The following ACLY variants were observed in gnomAD, a reference collection of about 807,000 sequenced individuals.
ACLY encodes ATP-citrate synthase.
ACLY carries 41 observed loss-of-function variants against 133.0 expected under a neutral mutation model. The observed-to-expected ratio is 0.31, with a 90% confidence interval of 0.24 to 0.40. ACLY has a LOEUF of 0.40. Ranked by LOEUF, ACLY falls within the 10% of genes least tolerant of loss-of-function variation. The probability of loss-of-function intolerance (pLI) is 1.00; values close to 1 mark genes in which losing one functional copy is unlikely to be tolerated. For missense variants in ACLY, 1,046 were observed against 1,453.8 expected (o/e 0.72, Z 4.56); for synonymous variants, 495 against 549.3 (o/e 0.90, Z 1.38).
chr17:41,869,346 G>T, intron 26 of ACLY, 128 bp downstream of exon 26: 1 of 882,122 alleles, frequency 1.1e-6, no homozygotes, highest in Non-Finnish European at 1.8e-6. Context: ...ATTTAGTTAT[G>T]AAACAAAAAT....
At chr17:41,896,925 G>A (rs1273149794) in intron 13 of ACLY, among the ~76,000 whole-genome samples, 10 of 152,210 alleles carry the variant, frequency 6.6e-5, no homozygotes, top group Non-Finnish European at 1.3e-4. Context: ...CAACACCAGC[G>A]CCTCCCCCAG....
intron 20 of ACLY, among the ~76,000 whole-genome samples, chr17:41,881,199 G>A (rs2048908606): frequency 6.6e-6 from 1 of 152,018 alleles, no homozygotes; most frequent in African/African-American, 2.4e-5. Flanking sequence ...GGAGGCCGAG[G>A]CAGGTGGATC....
At chr17:41,890,478 A>T (rs2049176024) in intron 16 of ACLY, among the ~76,000 whole-genome samples, 1 of 151,110 alleles carries the variant, frequency 6.6e-6, no homozygotes, top group Non-Finnish European at 1.5e-5. Flanking sequence ...AGGTCGAGAG[A>T]TCGAGACCAC....
upstream of ACLY, among the ~76,000 whole-genome samples, chr17:41,919,724 T>C (rs2050152578): frequency 6.6e-6 from 1 of 152,240 alleles, no homozygotes. Flanking sequence ...GACAGTCTCT[T>C]GTTCCCACCA....
intron 5 of ACLY, 115 bp downstream of exon 5, chr17:41,909,395 G>A (rs1200248814): frequency 9.4e-6 from 11 of 1,167,492 alleles, no homozygotes; most frequent in South Asian, 1.4e-5. Flanking sequence ...GGACAGGGCC[G>A]TGTCTACCAC....
At chr17:41,917,991 G>A (rs8066188) in intron 1 of ACLY, among the ~76,000 whole-genome samples, 152,137 of 152,336 alleles carry the variant, frequency 1, 75,970 homozygotes, top group East Asian at 1. Context: ...TTTCCTTATC[G>A]TCTCTTCCAA....
chr17:41,874,922 C>CG lies in ACLY; in HGVS notation c.2488-958_2488-957insC, dbSNP rs1555625772. ...AGGAGAAGCATTCCTTGTGTTATAG[C>CG]AAAAAAAAAAAAAAAAAAATGAGGC... On this transcript the variant is annotated intron_variant, in intron 22 of 28. Transcript: ENST00000352035. Among the ~76,000 whole-genome samples the CG allele has an allele frequency of 3.9e-5, 5 of 128,156 alleles. No homozygotes were observed. The East Asian group carries it at 1.1e-3, about 29-fold the overall frequency. The allele number at this position is 128,156 out of a possible 152,430, so 84.1% of individuals were successfully genotyped here.
At position 41,918,901 on chromosome 17, in the gene ACLY, G is replaced by A. The variant is rs552037305; in HGVS notation, c.-45C>T. 2.0e-5 allele frequency: 26 copies of A among 1,288,486 alleles called. No individual in the cohort carries two copies. Among genetic ancestry groups the A allele is most frequent in the Middle Eastern group, 2.1e-4 (1 of 4,694 alleles). The allele number at this position is 1,288,486 out of a possible 1,614,324, so 79.8% of individuals were successfully genotyped here. A position where few individuals can be genotyped will look rare whatever the true frequency, so the allele number is the denominator to read the frequency against. On this transcript the variant is annotated 5_prime_UTR_variant, in exon 1 of 29. Coordinates refer to ENST00000352035, the MANE Select transcript of ACLY (RefSeq NM_001096.3). ...TCACCTCTGCCGAAGTCCGTGCGCG[G>A]CGCTTCTTCCACAGGCCCGACGAAC...
intron 3 of ACLY, 35 bp downstream of exon 3, chr17:41,912,385 C>T: frequency 6.2e-7 from 1 of 1,606,820 alleles, no homozygotes; most frequent in Non-Finnish European, 8.5e-7. Context: ...GCTTCTGTTA[C>T]CACACACGTT....
chr17:41,871,653 C>T (rs1555625046), intron 25 of ACLY, 36 bp downstream of exon 25: 1 of 1,612,846 alleles, frequency 6.2e-7, no homozygotes, highest in Non-Finnish European at 8.5e-7. Flanking sequence ...CCGCGCCTGG[C>T]CTCCATCCCA....
In ACLY at chr17:41,877,444, T is replaced by C. The variant is rs1165717413; in HGVS notation, c.2487+659A>G. Among the ~76,000 whole-genome samples, 6 of 98,860 alleles carry C rather than the reference T, an allele frequency of 6.1e-5. No homozygotes were observed. In the East Asian group the frequency reaches 9.4e-4, roughly 15 times the overall value. 64.9% of individuals were successfully genotyped at this position (98,860 alleles called of 152,430 possible). On this transcript the variant is annotated intron_variant, in intron 22 of 28. Transcript: ENST00000352035. ...AGGCATGAGCCACCAGGCCCAGCCC[T>C]TTTTTTTTTTTTTTTTTTAAATTAC...
intron 1 of ACLY, among the ~76,000 whole-genome samples, chr17:41,928,295 A>C (rs782741150): frequency 1.3e-5 from 2 of 152,164 alleles, no homozygotes; most frequent in Non-Finnish European, 2.9e-5. Context: ...TGTGGAAAAG[A>C]GTATCCTTTC....
intron 7 of ACLY, among the ~76,000 whole-genome samples, 189 bp from the exon 8 acceptor site, chr17:41,906,835 C>T (rs2049734397): frequency 6.6e-6 from 1 of 152,200 alleles, no homozygotes; most frequent in African/African-American, 2.4e-5. Context: ...CAAAAACACC[C>T]ATAGTCACAG....
At chr17:41,930,538 G>A (rs2050308896) in exon 1 of ACLY, 2 of 557,192 alleles carry the variant, frequency 3.6e-6, no homozygotes, top group South Asian at 2.1e-5. Context: ...CCAGTGCGCG[G>A]CAGAACTGGC....
rs1469355904 is a variant in ACLY, at chr17:41,905,468, G to A, written c.1003+54C>T. On this transcript the variant is annotated intron_variant, in intron 9 of 28. Coordinates refer to ENST00000352035, the MANE Select transcript of ACLY (RefSeq NM_001096.3). ...AGACGAAGCTGTCCCATTGCAGCCT[G>A]CTGGGCTGTCCTGGGGAAGTGGGGA... The A allele has an allele frequency of 1.2e-5, 20 of 1,610,710 alleles. No individual in the cohort carries two copies. The Admixed American group carries it at 3.0e-4, about 24-fold the overall frequency.
Position 41,872,106 on chromosome 17 carries a change from C to A in ACLY, c.2719G>T (p.Ala907Ser). ...TADHGPAVSG[A>S]HNTIICARAG... The stretch of plus-strand genomic sequence containing the variant: ...CGCGCACAAATGATGGTGTTGTGGG[C>A]TCCAGAGACGGCTGGCCCGTGATCA... The change falls in exon 24 of 29, where the codon GCC becomes TCC. Residue 907 changes from alanine (A) to serine (S), a missense_variant. Transcript: ENST00000352035. 2 of 1,614,078 alleles carry A rather than the reference C, an allele frequency of 1.2e-6. No homozygotes were observed. The highest frequency in any genetic ancestry group is 1.7e-6 in the Non-Finnish European group (2 of 1,180,012).
chr17:41,882,264 G>A (rs143400155), intron 20 of ACLY, among the ~76,000 whole-genome samples: 11 of 148,454 alleles, frequency 7.4e-5, no homozygotes, highest in African/African-American at 2.7e-4. Context: ...CTACTCAGGA[G>A]GCTGAGGCAG....
At chr17:41,918,655 G>T (rs2050121310) in intron 1 of ACLY, among the ~76,000 whole-genome samples, 1 of 152,162 alleles carries the variant, frequency 6.6e-6, no homozygotes, top group African/African-American at 2.4e-5. Flanking sequence ...CCAGGAACTG[G>T]AATATGTGTG....
intron 1 of ACLY, among the ~76,000 whole-genome samples, chr17:41,916,164 C>CA (rs550539074): frequency 6.2e-4 from 95 of 152,236 alleles, no homozygotes; most frequent in African/African-American, 2.2e-3. Flanking sequence ...TGGGATAATA[C>CA]AGGATAGAAA....
Sources: gnomAD v4.1 joint callset for allele counts (sites outside exome capture counted in the v4.1 genomes callset) on GRCh38, gnomAD v4.1.1 for gene constraint, MANE v1.5 for transcripts, NCBI Gene and HGNC (gene_info 2026-07-23, HGNC 2026-07-21) for gene names.